The following PDXDC1 variants were observed in gnomAD, a reference collection of about 807,000 sequenced individuals.
PDXDC1 encodes pyridoxal dependent decarboxylase domain containing 1, also known as pyridoxal-dependent decarboxylase domain-containing protein 1.
PDXDC1 carries 42 observed loss-of-function variants against 100.1 expected under a neutral mutation model. The observed-to-expected ratio is 0.42, with a 90% CI of 0.33 to 0.54. PDXDC1 has a LOEUF of 0.54. Ranked by LOEUF, PDXDC1 falls within the 20% of genes least tolerant of loss-of-function variation. The pLI is 0.10. For synonymous variants in PDXDC1, 260 were observed against 371.7 expected, an observed-to-expected ratio of 0.70 and a Z score of 3.46; for missense variants, 636 against 979.2, an observed-to-expected ratio of 0.65 and a Z score of 4.68.
chr16:14,983,862 G>A (rs1473891607), intron 1 of PDXDC1, among the ~76,000 whole-genome samples: 4 of 152,374 alleles, frequency 2.6e-5, no homozygotes, highest in African/African-American at 9.6e-5. Context: ...CCACCAGCAT[G>A]ATCAAGATAC....
At chr16:14,988,324 A>G in intron 1 of PDXDC1, 1 of 1,613,906 alleles carries the variant, frequency 6.2e-7, no homozygotes, top group East Asian at 2.2e-5. Context: ...TACTCGTTGT[A>G]GATGAGCTTG....
chr16:15,112,207 C>T (rs2047095982), intron 16 of PDXDC1, among the ~76,000 whole-genome samples: 1 of 148,610 alleles, frequency 6.7e-6, no homozygotes, highest in African/African-American at 2.4e-5. Context: ...ACCTATGAAT[C>T]TCCTGAGGTA....
chr16:15,035,988 C>A, intron 22 of PDXDC1, 28 bp from the exon 23 acceptor site: 1 of 1,587,996 alleles, frequency 6.3e-7, no homozygotes, highest in South Asian at 1.1e-5. Flanking sequence ...CACTGAGTTT[C>A]AGCGCAGTCT....
chr16:15,103,500 A>G (rs904535709), intron 16 of PDXDC1: 2 of 586,734 alleles, frequency 3.4e-6, no homozygotes, highest in East Asian at 3.0e-5. Context: ...AATGTAAGTG[A>G]TATTTATTTT....
intron 16 of PDXDC1, among the ~76,000 whole-genome samples, chr16:15,124,365 C>T (rs941140571): frequency 6.6e-6 from 1 of 152,172 alleles, no homozygotes; most frequent in Non-Finnish European, 1.5e-5. Flanking sequence ...AATCCCTTTA[C>T]CATTTACTAT....
intron 3 of PDXDC1, among the ~76,000 whole-genome samples, chr16:14,999,479 CAGG>C (rs1192392891): frequency 6.6e-6 from 1 of 152,064 alleles, no homozygotes; most frequent in Non-Finnish European, 1.5e-5. Context: ...GAGCCTGAGG[CAGG>C]AGGATGGCTT....
Position 15,034,916 on chromosome 16 carries a change from C to T in PDXDC1, c.2002+363C>T, listed in dbSNP as rs746861538. ...CTGCCCCAGCAGAGGACAGCTTTTG[C>T]AAGTGGCAATGCAGAGACTGAAGCA... On this transcript the variant is annotated intron_variant, in intron 21 of 22. Coordinates refer to ENST00000396410, the MANE Select transcript of PDXDC1 (RefSeq NM_015027.4). Among the ~76,000 whole-genome samples, 47 of 152,132 alleles carry T rather than the reference C, an allele frequency of 3.1e-4. 1 individual carries two copies. The highest frequency in any genetic ancestry group is 4.7e-4 in the Non-Finnish European group (32 of 68,036).
At chr16:14,992,443 C>T (rs1971060893) in intron 1 of PDXDC1, among the ~76,000 whole-genome samples, 1 of 152,274 alleles carries the variant, frequency 6.6e-6, no homozygotes, top group Non-Finnish European at 1.5e-5. Context: ...ACGGGAGTGT[C>T]ACAGCAGTGA....
At chr16:14,990,659 C>T (rs1415544163) in intron 1 of PDXDC1, among the ~76,000 whole-genome samples, 1 of 152,282 alleles carries the variant, frequency 6.6e-6, no homozygotes, top group Non-Finnish European at 1.5e-5. Context: ...CATTTATTCA[C>T]CCAAACTTAA....
At chr16:15,046,790 A>G (rs8045951) in intron 16 of PDXDC1, among the ~76,000 whole-genome samples, 3 of 149,672 alleles carry the variant, frequency 2.0e-5, no homozygotes, top group Non-Finnish European at 4.4e-5. Flanking sequence ...TCGGAGAATC[A>G]CCTGAGTCCA....
Position 15,018,090 on chromosome 16 carries a change from A to T in PDXDC1, c.963+668A>T, listed in dbSNP as rs1333276486. 1.4e-4 allele frequency among the ~76,000 whole-genome samples: 20 copies of T among 143,430 alleles called. No homozygotes were observed. In the East Asian group the frequency reaches 2.7e-3, roughly 19 times the overall value. The allele number at this position is 143,430 out of a possible 152,430, so 94.1% of individuals were successfully genotyped here. A position where few individuals can be genotyped will look rare whatever the true frequency, so the allele number is the denominator to read the frequency against. On this transcript the variant is annotated intron_variant, in intron 11 of 22. Coordinates refer to ENST00000396410, the MANE Select transcript of PDXDC1 (RefSeq NM_015027.4). The stretch of plus-strand genomic sequence containing the variant: ...GGCATGAGCCATCACACCTGGCCAC[A>T]TTTTTTTTTTTTTTTAATCGTAGTT...
chr16:15,033,410 C>A lies in PDXDC1; in HGVS notation c.1812+11C>A. On this transcript the variant is annotated intron_variant, in intron 19 of 22. Transcript: ENST00000396410. Reference sequence around the variant, plus strand: ...GAGGAGAACTCGAGGGTCCGTAGCACCCATCAGTGTTCATTCCTCTTCTGA... The same window carrying A: ...GAGGAGAACTCGAGGGTCCGTAGCAACCATCAGTGTTCATTCCTCTTCTGA... 6.2e-7 allele frequency: 1 copy of A among 1,613,564 alleles called. No individual in the cohort carries two copies. Among genetic ancestry groups the A allele is most frequent in the Non-Finnish European group, 8.5e-7 (1 of 1,179,562 alleles).
At position 15,137,565 on chromosome 16, in the gene PDXDC1, C is replaced by T. The variant is rs1043275088; in HGVS notation, c.1400-1314C>T. 49 of 1,222,588 alleles carry T rather than the reference C, an allele frequency of 4.0e-5. No homozygotes were observed. The South Asian group carries it at 4.3e-4, about 11-fold the overall frequency. The allele number at this position is 1,222,588 out of a possible 1,614,324, so 75.7% of individuals were successfully genotyped here. Reference sequence around the variant, plus strand: ...CCTAGAAGAGGCAGCCACTGGACCCCGGGTTCTGCTCCTCCTGGCTCCACC... The same window carrying T: ...CCTAGAAGAGGCAGCCACTGGACCCTGGGTTCTGCTCCTCCTGGCTCCACC... On this transcript the variant is annotated intron_variant, in intron 16 of 16. Coordinates refer to the PDXDC1 transcript ENST00000535621.
intron 16 of PDXDC1, among the ~76,000 whole-genome samples, chr16:15,064,225 G>T (rs2044853443): frequency 1.3e-5 from 2 of 151,982 alleles, no homozygotes; most frequent in Admixed American, 6.6e-5. Context: ...GCCCAGGCTG[G>T]AGTGCATTGG....
At chr16:15,077,740 C>T (rs894622556) in intron 16 of PDXDC1, among the ~76,000 whole-genome samples, 1 of 152,224 alleles carries the variant, frequency 6.6e-6, no homozygotes, top group African/African-American at 2.4e-5. Flanking sequence ...AATCAGGAGG[C>T]TGAGGCAGGA....
At chr16:15,083,518 T>C (rs2045789670) in intron 16 of PDXDC1, 2 of 1,609,010 alleles carry the variant, frequency 1.2e-6, no homozygotes, top group Non-Finnish European at 1.7e-6. Flanking sequence ...CTTACCAGTG[T>C]TCTCTCTGAT....
chr16:15,041,117 T>A, downstream of PDXDC1: 1 of 1,544,980 alleles, frequency 6.5e-7, no homozygotes, highest in Non-Finnish European at 9.0e-7. Context: ...CCCGGTCATT[T>A]AATTCTACAA....
chr16:15,083,393 G>A (rs1035890699), intron 16 of PDXDC1: 38 of 1,435,402 alleles, frequency 2.6e-5, no homozygotes, highest in African/African-American at 1.2e-4. Flanking sequence ...AGTGAGACTC[G>A]GTCTCAAAAA....
intron 16 of PDXDC1, chr16:15,126,520 T>C (rs1319894443): frequency 7.4e-6 from 1 of 134,244 alleles, no homozygotes; most frequent in Non-Finnish European, 1.6e-5. Context: ...CGGCCTCCCG[T>C]TTCCGTATGA....
Sources: gnomAD v4.1 joint callset for allele counts (sites outside exome capture counted in the v4.1 genomes callset) on GRCh38, gnomAD v4.1.1 for gene constraint, MANE v1.5 for transcripts, NCBI Gene and HGNC (gene_info 2026-07-23, HGNC 2026-07-21) for gene names.